The following STK39 variants were observed in gnomAD, a reference collection of about 807,000 sequenced individuals.
STK39 encodes the protein serine/threonine kinase 39, also known as STE20/SPS1-related proline-alanine-rich protein kinase.
A neutral mutation model predicts 77.8 loss-of-function variants in STK39; 20 were observed. That is an observed-to-expected ratio of 0.26 (90% CI 0.18 to 0.37). The LOEUF is 0.37. Ranked by LOEUF, STK39 falls within the 10% of genes least tolerant of loss-of-function variation. The pLI, the probability that STK39 is intolerant of heterozygous loss-of-function variation, is 1.00. For synonymous variants in STK39, 246 were observed against 234.1 expected (o/e 1.05, Z -0.47); for missense variants, 479 against 656.5 (o/e 0.73, Z 2.95).
chr2:168,226,926 T>G (rs1288730189), intron 1 of STK39, among the ~76,000 whole-genome samples: 1 of 152,202 alleles, frequency 6.6e-6, no homozygotes, highest in Admixed American at 6.5e-5. Context: ...GTTAAGTAAA[T>G]TCAGCTGCAC....
chr2:168,169,623 G>T (rs1242950808), intron 2 of STK39, among the ~76,000 whole-genome samples: 1 of 118,200 alleles, frequency 8.5e-6, no homozygotes, highest in Non-Finnish European at 1.6e-5. Flanking sequence ...CTCTGACTTT[G>T]CAGTGAGCGT....
At chr2:167,995,559 G>C (rs1683816256) in intron 16 of STK39, among the ~76,000 whole-genome samples, 1 of 152,164 alleles carries the variant, frequency 6.6e-6, no homozygotes, top group African/African-American at 2.4e-5. Context: ...TTATACCTAA[G>C]AATGTGAGCA....
chr2:168,234,307 T>C (rs368126751), intron 1 of STK39, among the ~76,000 whole-genome samples: 194 of 152,360 alleles, frequency 1.3e-3, no homozygotes, highest in African/African-American at 4.4e-3. Flanking sequence ...CAGTTCATTA[T>C]TGAGCACTTG....
At chr2:168,233,141 T>C (rs1052185659) in intron 1 of STK39, among the ~76,000 whole-genome samples, 1 of 152,162 alleles carries the variant, frequency 6.6e-6, no homozygotes, top group Non-Finnish European at 1.5e-5. Context: ...TTCATCCTAA[T>C]GATCACATTT....
chr2:168,011,344 G>A (rs796617532), intron 16 of STK39, among the ~76,000 whole-genome samples: 7 of 149,818 alleles, frequency 4.7e-5, no homozygotes, highest in African/African-American at 1.7e-4. Flanking sequence ...TCATTTAAGG[G>A]GAGCATGTCA....
At chr2:168,096,104 C>A (rs1432671634) in intron 10 of STK39, among the ~76,000 whole-genome samples, 1 of 152,032 alleles carries the variant, frequency 6.6e-6, no homozygotes, top group East Asian at 1.9e-4. Flanking sequence ...TATTTTCATA[C>A]CACACACACA....
chr2:168,052,907 G>A (rs575421509), intron 14 of STK39, among the ~76,000 whole-genome samples: 1 of 152,322 alleles, frequency 6.6e-6, no homozygotes, highest in South Asian at 2.1e-4. Flanking sequence ...CAAGAACTCA[G>A]CACCAACACA....
chr2:168,095,340 A>G (rs911237578), intron 10 of STK39, among the ~76,000 whole-genome samples: 5 of 152,190 alleles, frequency 3.3e-5, no homozygotes, highest in African/African-American at 1.2e-4. Flanking sequence ...CCAGTTCTCA[A>G]ATATGCTTGA....
chr2:167,956,698 T>TCACACACACACA (rs1559032284), intron 17 of STK39, among the ~76,000 whole-genome samples: 1 of 71,830 alleles, frequency 1.4e-5, no homozygotes, highest in Non-Finnish European at 2.6e-5. Context: ...ACACACACAC[T>TCACACACACACA]CTCTCTCTCT....
intron 1 of STK39, among the ~76,000 whole-genome samples, chr2:168,189,176 ACCACTG>A: frequency 6.6e-6 from 1 of 152,360 alleles, no homozygotes; most frequent in Non-Finnish European, 1.5e-5. Context: ...CTTATGTTTC[ACCACTG>A]ACCTGGATAA....
chr2:167,959,415 G>A (rs540526688), intron 17 of STK39, among the ~76,000 whole-genome samples: 9 of 151,876 alleles, frequency 5.9e-5, no homozygotes, highest in Non-Finnish European at 8.8e-5. Flanking sequence ...GTGAGCCACC[G>A]CGCCCGGCCA....
chr2:168,083,793 G>A (rs959171), intron 10 of STK39, among the ~76,000 whole-genome samples: 150,049 of 151,970 alleles, frequency 0.99, 74,102 homozygotes, highest in East Asian at 1. Flanking sequence ...GTACAATCAG[G>A]AAGGCAAATT....
chr2:168,047,461 C>T (rs937712218), intron 14 of STK39, among the ~76,000 whole-genome samples: 2 of 152,182 alleles, frequency 1.3e-5, no homozygotes, highest in South Asian at 2.1e-4. Context: ...AGGACAAAAA[C>T]CCCATCAGCT....
intron 5 of STK39, among the ~76,000 whole-genome samples, chr2:168,158,510 T>G (rs1688491563): frequency 6.6e-6 from 1 of 152,194 alleles, no homozygotes; most frequent in Non-Finnish European, 1.5e-5. Flanking sequence ...AATCGATTTA[T>G]GCAGAGACAC....
intron 14 of STK39, among the ~76,000 whole-genome samples, chr2:168,021,237 A>G (rs548372417): frequency 6.6e-6 from 1 of 152,302 alleles, no homozygotes; most frequent in African/African-American, 2.4e-5. Context: ...TCAAATATTA[A>G]TAACACAAAA....
intron 16 of STK39, among the ~76,000 whole-genome samples, chr2:167,990,420 G>A (rs1683672434): frequency 6.6e-6 from 1 of 152,156 alleles, no homozygotes; most frequent in Admixed American, 6.5e-5. Flanking sequence ...TTTAGCAGAA[G>A]GTGAAATTTG....
At chr2:167,957,648 CA>C (rs1442596925) in intron 17 of STK39, among the ~76,000 whole-genome samples, 1 of 152,044 alleles carries the variant, frequency 6.6e-6, no homozygotes, top group Non-Finnish European at 1.5e-5. Context: ...CTGGTGGTGA[CA>C]AAAAGGTCAC....
chr2:168,183,050 T>C (rs546900113), intron 1 of STK39, among the ~76,000 whole-genome samples: 1 of 152,298 alleles, frequency 6.6e-6, no homozygotes, highest in African/African-American at 2.4e-5. Flanking sequence ...AGGGGAGTAT[T>C]TGGCAACAAG....
chr2:168,009,305 G>T (rs76599421), intron 16 of STK39, among the ~76,000 whole-genome samples: 4,366 of 152,160 alleles, frequency 0.029, 205 homozygotes, highest in East Asian at 0.2. Flanking sequence ...TGCTAGGATT[G>T]GTTAGAGGGA....
Sources: allele counts gnomAD v4.1 joint callset (sites outside exome capture counted in the v4.1 genomes callset), GRCh38; gene constraint gnomAD v4.1.1; transcripts MANE v1.5; gene names NCBI Gene and HGNC (gene_info 2026-07-23, HGNC 2026-07-21).